MIGA1: variants seen among roughly 807,000 people sequenced by gnomAD.
MIGA1 encodes family with sequence similarity 73, member A.
MIGA1 carries 58 observed loss-of-function variants against 82.0 expected under a neutral mutation model. That is an observed-to-expected ratio of 0.71 (90% confidence interval 0.57 to 0.88). The LOEUF is 0.88. Ranked by LOEUF, MIGA1 falls within the 40% of genes least tolerant of loss-of-function variation. The pLI is 0.00. For synonymous variants in MIGA1, 249 were observed against 253.6 expected, an observed-to-expected ratio of 0.98 and a Z score of 0.17; for missense variants, 751 against 749.1, an observed-to-expected ratio of 1.00 and a Z score of -0.03.
chr1:77,846,112 C>G, intron 8 of MIGA1, among the ~76,000 whole-genome samples: 1 of 152,156 alleles, frequency 6.6e-6, no homozygotes, highest in South Asian at 2.1e-4. Flanking sequence ...AAACACAAAC[C>G]CCTGCCCAAT....
At chr1:77,788,377 G>A (rs532316479) in intron 2 of MIGA1, among the ~76,000 whole-genome samples, 52 of 152,226 alleles carry the variant, frequency 3.4e-4, no homozygotes, top group Non-Finnish European at 5.9e-4. Context: ...GACCTTAAGC[G>A]ATCCACCCAC....
intron 7 of MIGA1, among the ~76,000 whole-genome samples, chr1:77,829,089 G>A (rs181878677): frequency 1.3e-5 from 2 of 152,102 alleles, no homozygotes; most frequent in Non-Finnish European, 2.9e-5. Flanking sequence ...TCCTTGGAAA[G>A]TGTTAAAGCT....
At chr1:77,853,802 T>G in intron 8 of MIGA1, 1 of 260,642 alleles carries the variant, frequency 3.8e-6, no homozygotes, top group Non-Finnish European at 7.7e-6. Context: ...TGGATCAGGC[T>G]CTAAAGGAAA....
intron 5 of MIGA1, among the ~76,000 whole-genome samples, chr1:77,810,405 G>A (rs1683278166): frequency 6.6e-6 from 1 of 151,526 alleles, no homozygotes; most frequent in South Asian, 2.1e-4. Context: ...TCCTCTCAAA[G>A]CAGTTTGACA....
intron 7 of MIGA1, among the ~76,000 whole-genome samples, chr1:77,824,588 A>G (rs1374201820): frequency 6.6e-6 from 1 of 152,178 alleles, no homozygotes; most frequent in African/African-American, 2.4e-5. Context: ...TATTTTTGAT[A>G]TTTTGGAAGG....
At chr1:77,827,617 T>A (rs903583392) in intron 7 of MIGA1, among the ~76,000 whole-genome samples, 2 of 151,666 alleles carry the variant, frequency 1.3e-5, no homozygotes, top group Non-Finnish European at 2.9e-5. Context: ...TCAGAAGGAG[T>A]GAGATCCAGA....
At chr1:77,838,161 C>T (rs1275668176) in intron 7 of MIGA1, among the ~76,000 whole-genome samples, 1 of 151,946 alleles carries the variant, frequency 6.6e-6, no homozygotes, top group African/African-American at 2.4e-5. Context: ...GAGGAAAGTG[C>T]ACAAAGCAAA....
intron 2 of MIGA1, among the ~76,000 whole-genome samples, chr1:77,785,061 T>C (rs1682088118): frequency 6.6e-6 from 1 of 152,118 alleles, no homozygotes; most frequent in South Asian, 2.1e-4. Context: ...CTCCCAAATC[T>C]CATGTCCTCA....
At chr1:77,859,912 A>G in intron 10 of MIGA1, 128 bp from the exon 11 acceptor site, 1 of 613,458 alleles carries the variant, frequency 1.6e-6, no homozygotes, top group Non-Finnish European at 2.8e-6. Flanking sequence ...TTTCTCTGTG[A>G]GCTGCCTGTT....
intron 1 of MIGA1, 47 bp from the exon 2 acceptor site, chr1:77,783,191 A>G: frequency 7.6e-7 from 1 of 1,323,004 alleles, no homozygotes; most frequent in Non-Finnish European, 1.1e-6. Context: ...TGGTAAAGTA[A>G]CCAGAAATCT....
At chr1:77,821,940 C>T (rs1301402855) in intron 7 of MIGA1, among the ~76,000 whole-genome samples, 1 of 152,094 alleles carries the variant, frequency 6.6e-6, no homozygotes, top group Non-Finnish European at 1.5e-5. Flanking sequence ...TGAATAAATT[C>T]TGGAGATCTA....
At chr1:77,814,745 C>A (rs1683508678) in intron 6 of MIGA1, among the ~76,000 whole-genome samples, 1 of 152,106 alleles carries the variant, frequency 6.6e-6, no homozygotes, top group Non-Finnish European at 1.5e-5. Flanking sequence ...ATTTGGAGGC[C>A]CTACCCCATG....
chr1:77,809,755 T>A (rs1290877735), intron 5 of MIGA1, among the ~76,000 whole-genome samples: 3 of 18,760 alleles, frequency 1.6e-4, no homozygotes, highest in African/African-American at 4.3e-4. Context: ...TGCATAAATG[T>A]TTTTTTTTTT....
intron 7 of MIGA1, among the ~76,000 whole-genome samples, chr1:77,830,849 A>C (rs902488471): frequency 1.3e-5 from 2 of 152,220 alleles, no homozygotes. Context: ...CTGACACAGC[A>C]AACAAATACT....
intron 7 of MIGA1, among the ~76,000 whole-genome samples, chr1:77,835,853 C>T (rs1394188298): frequency 6.6e-6 from 1 of 151,916 alleles, no homozygotes; most frequent in Non-Finnish European, 1.5e-5. Flanking sequence ...GAGGCGGAGG[C>T]ACAAGAATCG....
intron 9 of MIGA1, 88 bp from the exon 10 acceptor site, chr1:77,859,226 C>A (rs1483598980): frequency 8.8e-7 from 1 of 1,140,396 alleles, no homozygotes; most frequent in Non-Finnish European, 1.3e-6. Context: ...TATTAAGGTC[C>A]TGAGGTTAAG....
chr1:77,872,879 T>C, intron 14 of MIGA1, 125 bp from the exon 15 acceptor site: 1 of 1,240,024 alleles, frequency 8.1e-7, no homozygotes, highest in South Asian at 1.3e-5. Flanking sequence ...AGACTCTGGT[T>C]CTAAAAAACA....
In MIGA1 at chr1:77,843,372, ATCGCATCCACGGATT is replaced by A; in HGVS notation, c.962_976del (p.Ile321_Ser326delinsThr). 6.2e-7 allele frequency: 1 copy of A among 1,614,092 alleles called. No individual in the cohort carries two copies. Among genetic ancestry groups the A allele is most frequent in the Non-Finnish European group, 8.5e-7 (1 of 1,179,922 alleles). ...CTTTGGCCTGCGAGACACCTTGAGCATCGCATCCACGGATTCCTTTGCTTCCGCAGCAGAGGTAGG... is the reference window on the plus strand; with the variant it reads ...CTTTGGCCTGCGAGACACCTTGAGCACCTTTGCTTCCGCAGCAGAGGTAGG... On this transcript the variant is annotated inframe_deletion, in exon 8 of 16. Transcript: ENST00000370791.
At chr1:77,783,922 T>C (rs912831511) in intron 2 of MIGA1, among the ~76,000 whole-genome samples, 3 of 152,222 alleles carry the variant, frequency 2.0e-5, no homozygotes, top group Non-Finnish European at 4.4e-5. Context: ...CAGAATTTTT[T>C]TGTGACTAGC....
Sources: gnomAD v4.1 joint callset for allele counts (sites outside exome capture counted in the v4.1 genomes callset) on GRCh38, gnomAD v4.1.1 for gene constraint, MANE v1.5 for transcripts, NCBI Gene and HGNC (gene_info 2026-07-23, HGNC 2026-07-21) for gene names.